Variants in MATCAP2 observed in about 807,000 individuals in gnomAD.
The protein encoded by MATCAP2 is putative tyrosine carboxypeptidase MATCAP2.
At chr7:36,385,553 G>A in the MATCAP2 span, among the ~76,000 whole-genome samples, 2 of 152,134 alleles carry the variant, frequency 1.3e-5, no homozygotes, top group African/African-American at 2.4e-5. Context: ...GGAAGGCCAA[G>A]GTGGGAGGAT....
the MATCAP2 span, among the ~76,000 whole-genome samples, chr7:36,364,796 G>A: frequency 2.0e-5 from 3 of 152,172 alleles, no homozygotes; most frequent in African/African-American, 7.2e-5. Context: ...GAAATGCTGG[G>A]CACAGGGCTC....
At chr7:36,341,431 T>A in the MATCAP2 span, among the ~76,000 whole-genome samples, 1 of 152,218 alleles carries the variant, frequency 6.6e-6, no homozygotes, top group East Asian at 1.9e-4. Flanking sequence ...TAATACATCA[T>A]GGGAAATGCA....
the MATCAP2 span, among the ~76,000 whole-genome samples, chr7:36,388,452 T>C: frequency 1.3e-5 from 2 of 152,240 alleles, no homozygotes; most frequent in Non-Finnish European, 2.9e-5. Flanking sequence ...ATTCTTTTTG[T>C]AATGTTGATT....
chr7:36,374,199 C>T, the MATCAP2 span, among the ~76,000 whole-genome samples: 1 of 152,134 alleles, frequency 6.6e-6, no homozygotes, highest in Non-Finnish European at 1.5e-5. Flanking sequence ...CCACCTCAGA[C>T]TCCTGAGTAG....
the MATCAP2 span, among the ~76,000 whole-genome samples, chr7:36,362,315 T>C: frequency 6.6e-6 from 1 of 152,228 alleles, no homozygotes; most frequent in Non-Finnish European, 1.5e-5. Context: ...CATTCAGGAA[T>C]TCAGAAACTT....
chr7:36,332,995 C>T, the MATCAP2 span, among the ~76,000 whole-genome samples: 4 of 152,036 alleles, frequency 2.6e-5, no homozygotes, highest in Middle Eastern at 3.4e-3. Context: ...GAAAGAAAGG[C>T]AGCAGCCCCA....
chr7:36,372,685 C>T, the MATCAP2 span, among the ~76,000 whole-genome samples: 2 of 152,070 alleles, frequency 1.3e-5, no homozygotes, highest in Non-Finnish European at 2.9e-5. Context: ...TTTGGAGAAA[C>T]CAAGATGTGC....
At chr7:36,353,481 C>CTT in the MATCAP2 span, among the ~76,000 whole-genome samples, 10,907 of 130,748 alleles carry the variant, frequency 0.083, 747 homozygotes, top group Non-Finnish European at 0.11. Flanking sequence ...TGTTTATGCT[C>CTT]TTTTTTTTTT....
At chr7:36,385,398 A>G in the MATCAP2 span, among the ~76,000 whole-genome samples, 2 of 152,230 alleles carry the variant, frequency 1.3e-5, no homozygotes, top group Non-Finnish European at 2.9e-5. Context: ...GCCCTACCAG[A>G]TATCAACATT....
At chr7:36,352,343 G>C in the MATCAP2 span, among the ~76,000 whole-genome samples, 2 of 143,590 alleles carry the variant, frequency 1.4e-5, no homozygotes, top group Non-Finnish European at 3.0e-5. Context: ...GTTGCAGTAA[G>C]CTGAAATTGC....
chr7:36,367,331 A>G, the MATCAP2 span: 9 of 1,000,748 alleles, frequency 9.0e-6, no homozygotes, highest in Non-Finnish European at 1.1e-5. Flanking sequence ...GGCGAGAGAG[A>G]GTGGGAGGAA....
the MATCAP2 span, chr7:36,334,941 G>A: frequency 9.1e-7 from 1 of 1,104,746 alleles, no homozygotes; most frequent in African/African-American, 1.6e-5. Flanking sequence ...CTTCTACTAA[G>A]AAAATAAAAT....
chr7:36,381,150 G>A, the MATCAP2 span, among the ~76,000 whole-genome samples: 3 of 152,182 alleles, frequency 2.0e-5, no homozygotes, highest in Admixed American at 6.5e-5. Flanking sequence ...GGTTAGGACT[G>A]GAAGGGAGAA....
At chr7:36,385,269 T>A in the MATCAP2 span, among the ~76,000 whole-genome samples, 2 of 152,222 alleles carry the variant, frequency 1.3e-5, no homozygotes, top group African/African-American at 2.4e-5. Context: ...TTCAGTGCAA[T>A]TTGAATTAAA....
the MATCAP2 span, among the ~76,000 whole-genome samples, chr7:36,330,393 C>T: frequency 6.6e-6 from 1 of 152,026 alleles, no homozygotes; most frequent in Non-Finnish European, 1.5e-5. Context: ...GCCACCCTGC[C>T]CAGCCCGAGT....
chr7:36,384,645 G>A, the MATCAP2 span, among the ~76,000 whole-genome samples: 2 of 152,262 alleles, frequency 1.3e-5, no homozygotes, highest in East Asian at 1.9e-4. Flanking sequence ...GTAATAGAAT[G>A]GAAAGTGATT....
chr7:36,387,154 G>A, the MATCAP2 span, among the ~76,000 whole-genome samples: 1 of 152,058 alleles, frequency 6.6e-6, no homozygotes, highest in African/African-American at 2.4e-5. Context: ...CTTACATTCT[G>A]CAAATAAAAT....
At chr7:36,382,130 T>TAA in the MATCAP2 span, among the ~76,000 whole-genome samples, 1 of 144,554 alleles carries the variant, frequency 6.9e-6, no homozygotes, top group Non-Finnish European at 1.5e-5. Context: ...CTGTCTCCAC[T>TAA]AAAAAAAAAA....
At chr7:36,367,348 C>G in the MATCAP2 span, 2 of 993,340 alleles carry the variant, frequency 2.0e-6, no homozygotes, top group Non-Finnish European at 2.4e-6. Context: ...GGAACTACAA[C>G]TCCCGGCGTG....
Sources: gnomAD v4.1 joint callset for allele counts (sites outside exome capture counted in the v4.1 genomes callset) on GRCh38, gnomAD v4.1.1 for gene constraint, MANE v1.5 for transcripts, NCBI Gene and HGNC (gene_info 2026-07-23, HGNC 2026-07-21) for gene names.